The following UGT2B7 variants were observed in gnomAD, a reference collection of about 807,000 sequenced individuals.
UGT2B7 encodes UDP-glucuronosyltransferase 2B7.
In UGT2B7, 51 loss-of-function variants were observed where a neutral mutation model predicts 51.9. The observed-to-expected ratio is 0.98, with a 90% CI of 0.78 to 1.24. The LOEUF is 1.24. Ranked by LOEUF, UGT2B7 falls within the 50% of genes most tolerant of loss-of-function variation. UGT2B7 has a pLI of 0.00. For synonymous variants in UGT2B7, 225 were observed against 211.6 expected (o/e 1.06, Z -0.55); for missense variants, 727 against 628.4 (o/e 1.16, Z -1.68).
chr4:69,088,524 C>G (rs569805299), intron 1 of UGT2B7, among the ~76,000 whole-genome samples: 1 of 152,044 alleles, frequency 6.6e-6, no homozygotes, highest in Non-Finnish European at 1.5e-5. Flanking sequence ...ATAACTGGAG[C>G]TTAATCTCAA....
intron 1 of UGT2B7, chr4:69,069,900 A>C (rs1023639477): frequency 2.6e-5 from 4 of 152,122 alleles, no homozygotes; most frequent in African/African-American, 9.7e-5. Context: ...TCTTTTTGAG[A>C]TCTAAGGCAG....
chr4:69,111,641 T>C (rs555829061), intron 5 of UGT2B7, among the ~76,000 whole-genome samples: 66 of 152,306 alleles, frequency 4.3e-4, no homozygotes, highest in African/African-American at 1.5e-3. Flanking sequence ...GATGTGATTA[T>C]TTCATATTGT....
Position 69,112,890 on chromosome 4 carries a change from A to T in UGT2B7, c.*154A>T. The T allele has an allele frequency of 7.8e-7, 1 of 1,283,394 alleles. No individual in the cohort carries two copies. The highest frequency in any genetic ancestry group is 2.8e-5 in the East Asian group (1 of 36,324). The allele number at this position is 1,283,394 out of a possible 1,614,324, so 79.5% of individuals were successfully genotyped here. ...TCAAAATTTACTTTGTCAAATAAAA[A>T]TTTGTTTTTCAGAGATTTACCACCC... On this transcript the variant is annotated 3_prime_UTR_variant, in exon 6 of 6. Transcript: ENST00000305231.
intron 1 of UGT2B7, among the ~76,000 whole-genome samples, chr4:69,057,191 T>C (rs1050875783): frequency 3.9e-5 from 6 of 152,192 alleles, no homozygotes; most frequent in African/African-American, 1.4e-4. Flanking sequence ...AAATCTTCAG[T>C]GTTGTGAGCC....
At chr4:69,074,341 G>T (rs1718658056) in intron 1 of UGT2B7, among the ~76,000 whole-genome samples, 1 of 151,518 alleles carries the variant, frequency 6.6e-6, no homozygotes, top group Non-Finnish European at 1.5e-5. Context: ...AGAGTCACTT[G>T]ACCTTGGTAG....
chr4:69,097,387 A>C, intron 1 of UGT2B7, 146 bp downstream of exon 1: 118 of 1,023,452 alleles, frequency 1.2e-4, no homozygotes, highest in Non-Finnish European at 1.4e-4. Flanking sequence ...TATTAATCTC[A>C]CAAATATTAT....
intron 1 of UGT2B7, among the ~76,000 whole-genome samples, chr4:69,055,358 AG>A (rs1718162007): frequency 1.3e-5 from 2 of 150,518 alleles, no homozygotes; most frequent in African/African-American, 4.9e-5. Context: ...AAAAAAAAAA[AG>A]GTCAGCCCCT....
chr4:69,104,023 T>TTG (rs1719512646), intron 3 of UGT2B7, among the ~76,000 whole-genome samples: 1 of 152,132 alleles, frequency 6.6e-6, no homozygotes, highest in Non-Finnish European at 1.5e-5. Flanking sequence ...GCACGGTAGC[T>TTG]CACGCCTGTA....
At chr4:69,097,765 C>A (rs1719289903) in intron 1 of UGT2B7, among the ~76,000 whole-genome samples, 1 of 151,886 alleles carries the variant, frequency 6.6e-6, no homozygotes, top group African/African-American at 2.4e-5. Context: ...TCAATAAGGG[C>A]AATTTGAAGT....
At chr4:69,095,473 T>C (rs1719198266), upstream of UGT2B7, among the ~76,000 whole-genome samples, 1 of 152,208 alleles carries the variant, frequency 6.6e-6, no homozygotes, top group Admixed American at 6.5e-5. Context: ...AGCAGTATGC[T>C]GGACCTGAAG....
At chr4:69,094,404 T>G (rs1289887871), upstream of UGT2B7, among the ~76,000 whole-genome samples, 3 of 29,246 alleles carry the variant, frequency 1.0e-4, 1 homozygote, top group Non-Finnish European at 1.6e-4. Flanking sequence ...CGCCTCGGCC[T>G]CCCAAAGTGC....
chr4:69,097,064 A>G lies in UGT2B7; in HGVS notation c.544A>G (p.Lys182Glu). 1 of 1,613,780 alleles carries G rather than the reference A, an allele frequency of 6.2e-7. No homozygotes were observed. ...LSFSPGYTFEKHSGGFIFPPS... is the reference protein window; with the variant it reads ...LSFSPGYTFEEHSGGFIFPPS... Reference sequence around the variant, plus strand: ...CTTCTCTCCTGGCTACACTTTTGAAAAGCATAGTGGAGGATTTATTTTCCC... The same window carrying G: ...CTTCTCTCCTGGCTACACTTTTGAAGAGCATAGTGGAGGATTTATTTTCCC... The change falls in exon 1 of 6, where the codon AAG becomes GAG. Residue 182 changes from lysine to glutamate, a missense_variant. Physicochemically the swap from Lys to Glu is moderately conservative, Grantham distance 56. Coordinates refer to ENST00000305231, the MANE Select transcript of UGT2B7 (RefSeq NM_001074.4).
In UGT2B7 at chr4:69,105,465, G is replaced by A. The variant is rs146676198; in HGVS notation, c.1003-1710G>A. Among the ~76,000 whole-genome samples the A allele has an allele frequency of 3.8e-3, 584 of 152,238 alleles. 1 individual carries two copies. Among genetic ancestry groups the A allele is most frequent in the African/African-American group, 0.013 (555 of 41,540 alleles). On this transcript the variant is annotated intron_variant, in intron 3 of 5. Transcript: ENST00000305231. ...TGTTTAGTTTATGAGGATTGCTTGG[G>A]AGTTTCAAAATTAGTAACTTAAACA...
chr4:69,111,032 C>T (rs1719756634), intron 5 of UGT2B7, among the ~76,000 whole-genome samples: 1 of 151,886 alleles, frequency 6.6e-6, no homozygotes, highest in Admixed American at 6.6e-5. Flanking sequence ...TTAGAGGTAA[C>T]ATTAGAAGGA....
chr4:69,093,969 C>T (rs1417881956), upstream of UGT2B7, among the ~76,000 whole-genome samples: 1 of 152,164 alleles, frequency 6.6e-6, no homozygotes, highest in African/African-American at 2.4e-5. Flanking sequence ...GGTCAGTCAT[C>T]CTGGCCACTC....
At chr4:69,094,129 C>CTTTT (rs71204074), upstream of UGT2B7, among the ~76,000 whole-genome samples, 12 of 54,090 alleles carry the variant, frequency 2.2e-4, no homozygotes, top group African/African-American at 3.3e-4. Flanking sequence ...GTTTTGGTTT[C>CTTTT]TTTTTTTTTT....
intron 1 of UGT2B7, among the ~76,000 whole-genome samples, chr4:69,072,565 CTTA>C (rs1421460008): frequency 6.6e-5 from 10 of 152,122 alleles, no homozygotes; most frequent in African/African-American, 7.2e-5. Context: ...AAGTTTCCTT[CTTA>C]TATTCTTGAA....
chr4:69,064,924 A>T (rs1438981834), intron 1 of UGT2B7, among the ~76,000 whole-genome samples: 1 of 152,168 alleles, frequency 6.6e-6, no homozygotes, highest in African/African-American at 2.4e-5. Context: ...GAGGTGCAAT[A>T]TGGCATTTTG....
chr4:69,052,153 C>A (rs558732278), intron 1 of UGT2B7, among the ~76,000 whole-genome samples: 6 of 151,992 alleles, frequency 3.9e-5, no homozygotes, highest in African/African-American at 1.5e-4. Flanking sequence ...GGTTGGACAT[C>A]AGAAGGAAGC....
Sources: allele counts gnomAD v4.1 joint callset (sites outside exome capture counted in the v4.1 genomes callset), GRCh38; gene constraint gnomAD v4.1.1; transcripts MANE v1.5; gene names NCBI Gene and HGNC (gene_info 2026-07-23, HGNC 2026-07-21).